Variants in LRRC8D observed in about 807,000 individuals in gnomAD.
LRRC8D encodes the protein leucine rich repeat containing 8 VRAC subunit D.
LRRC8D carries 20 observed loss-of-function variants against 55.8 expected under a neutral mutation model. The ratio of observed to expected loss-of-function variants is 0.36; its 90% confidence interval spans 0.25 to 0.52. The LOEUF is 0.52. LRRC8D is among the 20% of genes least tolerant of loss of function. The pLI is 0.93. For missense variants in LRRC8D, 651 were observed against 1,030.8 expected (o/e 0.63, Z 5.05); for synonymous variants, 352 against 377.0 (o/e 0.93, Z 0.77).
intron 2 of LRRC8D, among the ~76,000 whole-genome samples, chr1:89,930,525 T>C (rs2100994887): frequency 6.6e-6 from 1 of 152,288 alleles, no homozygotes; most frequent in East Asian, 1.9e-4. Context: ...CAGTCCATTG[T>C]TGACCAAAAC....
chr1:89,935,456 G>C lies in LRRC8D; in HGVS notation c.2388G>C (p.Gln796His), dbSNP rs569447847. 5.3e-5 allele frequency: 86 copies of C among 1,614,248 alleles called. 1 individual carries two copies. In the South Asian group the frequency reaches 8.9e-4, roughly 17 times the overall value. ...CCTCACTCCCAGAGAAAGTTGGTCA[G>C]CTCTCCCAGCTCACTCAGCTGGAGC... ...CITSLPEKVGQLSQLTQLELK... is the reference protein window; with the variant it reads ...CITSLPEKVGHLSQLTQLELK... The change falls in exon 3 of 3, where the codon CAG becomes CAC. Residue 796 changes from glutamine (Q) to histidine (H), a missense_variant. Physicochemically the swap from Gln to His is conservative, Grantham distance 24. Around this residue, in one of 5 missense-constraint regions of LRRC8D, gnomAD observed 338 missense variants for 479.4 expected, o/e 0.71. Coordinates refer to ENST00000337338, the MANE Select transcript of LRRC8D (RefSeq NM_001134479.2).
At chr1:89,922,027 T>C (rs567832287) in intron 2 of LRRC8D, among the ~76,000 whole-genome samples, 11 of 151,944 alleles carry the variant, frequency 7.2e-5, no homozygotes, top group Non-Finnish European at 1.3e-4. Flanking sequence ...GGCATCGGAG[T>C]TGTGCTCTTT....
intron 2 of LRRC8D, among the ~76,000 whole-genome samples, chr1:89,886,251 C>G (rs1054458626): frequency 2.6e-5 from 4 of 152,168 alleles, no homozygotes; most frequent in Non-Finnish European, 5.9e-5. Context: ...GTGAGAGACT[C>G]TTCTCAAGTC....
At chr1:89,864,073 A>G (rs1287404925) in intron 2 of LRRC8D, among the ~76,000 whole-genome samples, 1 of 152,224 alleles carries the variant, frequency 6.6e-6, no homozygotes, top group Non-Finnish European at 1.5e-5. Flanking sequence ...TGTCCCATCA[A>G]AGAAAGGTCT....
chr1:89,827,343 C>CA (rs35690511), intron 1 of LRRC8D, among the ~76,000 whole-genome samples: 1,343 of 104,976 alleles, frequency 0.013, 20 homozygotes, highest in African/African-American at 0.043. Flanking sequence ...GAGACTGTCT[C>CA]AAAAAAAAAA....
chr1:89,865,563 T>C (rs941757591), intron 2 of LRRC8D, among the ~76,000 whole-genome samples: 15 of 152,088 alleles, frequency 9.9e-5, no homozygotes, highest in African/African-American at 3.4e-4. Flanking sequence ...TTTTGACTGA[T>C]AGTAGTAATG....
At chr1:89,870,248 GGGT>G (rs1661971468) in intron 2 of LRRC8D, among the ~76,000 whole-genome samples, 1 of 151,772 alleles carries the variant, frequency 6.6e-6, no homozygotes. Context: ...AGGCTGAGGC[GGGT>G]GGATCACGAG....
At chr1:89,841,571 T>A (rs1661135473) in intron 1 of LRRC8D, among the ~76,000 whole-genome samples, 1 of 152,204 alleles carries the variant, frequency 6.6e-6, no homozygotes, top group African/African-American at 2.4e-5. Flanking sequence ...TTTGTGAACA[T>A]CATTTGCCAC....
At chr1:89,852,756 G>A (rs138425647) in intron 2 of LRRC8D, among the ~76,000 whole-genome samples, 5 of 152,122 alleles carry the variant, frequency 3.3e-5, no homozygotes, top group African/African-American at 7.2e-5. Context: ...TTACCAGGCC[G>A]AGATGGAGAA....
chr1:89,838,215 GGA>G (rs1661047266), intron 1 of LRRC8D, among the ~76,000 whole-genome samples: 1 of 149,440 alleles, frequency 6.7e-6, no homozygotes, highest in African/African-American at 2.5e-5. Flanking sequence ...AAAAAAGGGG[GGA>G]AAAAAGAAAA....
chr1:89,932,428 T>G (rs748624532), intron 2 of LRRC8D, among the ~76,000 whole-genome samples: 1 of 152,224 alleles, frequency 6.6e-6, no homozygotes, highest in Non-Finnish European at 1.5e-5. Flanking sequence ...TTTCAACTGT[T>G]CATGGACACT....
chr1:89,876,274 G>A (rs1015602438), intron 2 of LRRC8D, among the ~76,000 whole-genome samples: 15 of 152,126 alleles, frequency 9.9e-5, no homozygotes, highest in African/African-American at 3.6e-4. Context: ...CTATTTAAAT[G>A]GCAAGTAGTG....
chr1:89,929,761 AAATTCCC>A (rs1245077486), intron 2 of LRRC8D: 1 of 152,254 alleles, frequency 6.6e-6, no homozygotes, highest in Non-Finnish European at 1.5e-5. Context: ...ATGGAAAACC[AAATTCCC>A]AACATCATTA....
At chr1:89,904,475 C>G (rs933326764) in intron 2 of LRRC8D, among the ~76,000 whole-genome samples, 13 of 152,222 alleles carry the variant, frequency 8.5e-5, no homozygotes, top group Admixed American at 8.5e-4. Context: ...AGTTCATTCA[C>G]TTTTCTTCCT....
In LRRC8D at chr1:89,934,830, C is replaced by T. The variant is rs910629309; in HGVS notation, c.1762C>T (p.Arg588Trp). The change falls in exon 3 of 3, where the codon CGG becomes TGG. Residue 588 changes from arginine (R) to tryptophan (W), a missense_variant. Physicochemically the swap from Arg to Trp is moderately radical, Grantham distance 101 (BLOSUM62 -3). Around this residue, in one of 5 missense-constraint regions of LRRC8D, gnomAD observed 338 missense variants for 479.4 expected, o/e 0.71. Coordinates refer to ENST00000337338, the MANE Select transcript of LRRC8D (RefSeq NM_001134479.2). This position sits in a 1 kb window ranked among gnomAD's most constrained non-coding sequence, Gnocchi z 5.9. ...MIGLESLREL[R>W]HLKILHVKSN... The stretch of plus-strand genomic sequence containing the variant: ...AGGACTTGAATCTCTCCGAGAGTTG[C>T]GGCACCTTAAGATTCTCCACGTGAA... 2.5e-6 allele frequency: 4 copies of T among 1,614,074 alleles called. No homozygotes were observed. Among genetic ancestry groups the T allele is most frequent in the South Asian group, 1.1e-5 (1 of 91,076 alleles).
At chr1:89,860,396 C>T (rs900935663) in intron 2 of LRRC8D, among the ~76,000 whole-genome samples, 2 of 152,050 alleles carry the variant, frequency 1.3e-5, no homozygotes, top group Non-Finnish European at 2.9e-5. Flanking sequence ...CAAAGACAGG[C>T]CCACCTTCAT....
At chr1:89,858,188 G>T (rs974317995) in intron 2 of LRRC8D, among the ~76,000 whole-genome samples, 1 of 152,190 alleles carries the variant, frequency 6.6e-6, no homozygotes, top group South Asian at 2.1e-4. Context: ...GAGATGTCAC[G>T]CTACTGCACT....
At chr1:89,826,923 G>A (rs1660778816) in intron 1 of LRRC8D, among the ~76,000 whole-genome samples, 1 of 152,130 alleles carries the variant, frequency 6.6e-6, no homozygotes, top group African/African-American at 2.4e-5. Context: ...GGGTATTAAG[G>A]GGAAATTACA....
chr1:89,894,020 C>G (rs1048779876), intron 2 of LRRC8D, among the ~76,000 whole-genome samples: 1 of 152,120 alleles, frequency 6.6e-6, no homozygotes, highest in East Asian at 1.9e-4. Flanking sequence ...AATCCTAACC[C>G]CAGTGTAATG....
Sources: allele counts gnomAD v4.1 joint callset (sites outside exome capture counted in the v4.1 genomes callset), GRCh38; gene constraint gnomAD v4.1.1; regional missense constraint gnomAD v4.1.1; non-coding constraint Gnocchi (gnomAD v3.1); transcripts MANE v1.5; gene names NCBI Gene and HGNC (gene_info 2026-07-23, HGNC 2026-07-21).